The following SCN3B variants were observed in gnomAD, a reference collection of about 807,000 sequenced individuals.
SCN3B encodes sodium channel regulatory subunit beta-3.
A neutral mutation model predicts 25.4 loss-of-function variants in SCN3B; 11 were observed. The ratio of observed to expected loss-of-function variants is 0.43; its 90% confidence interval spans 0.27 to 0.72. The LOEUF (loss-of-function observed/expected upper bound fraction) is 0.72. Among genes scored for constraint, SCN3B ranks in the 30% least tolerant of loss-of-function variants. SCN3B has a pLI of 0.18. For synonymous variants in SCN3B, 109 were observed against 110.7 expected (o/e 0.99, Z 0.09); for missense variants, 218 against 278.3 (o/e 0.78, Z 1.54).
In SCN3B at chr11:123,645,835, A is replaced by C. The variant is rs749133829; in HGVS notation, c.56-85T>G. On this transcript the variant is annotated intron_variant, in intron 2 of 6. Coordinates refer to ENST00000299333, the MANE Select transcript of SCN3B (RefSeq NM_001040151.2). ...GAGAAACATTGGAGAAGAAGGAGGG[A>C]GGGAAGAGAGACAGAGAAGGAAGAG... The C allele has an allele frequency of 7.1e-4, 1,065 of 1,496,322 alleles. 1 individual carries two copies. The highest frequency in any genetic ancestry group is 5.7e-4 in the Non-Finnish European group (615 of 1,078,070). 92.7% of individuals were successfully genotyped at this position (1,496,322 alleles called of 1,614,324 possible). A position where few individuals can be genotyped will look rare whatever the true frequency, so the allele number is the denominator to read the frequency against.
In SCN3B at chr11:123,645,626, C is replaced by T. The variant is rs1591348108; in HGVS notation, c.180G>A (p.Val60=). Residue 60 remains valine (V), a synonymous_variant, in exon 3 of 7, where the codon GTG becomes GTA. Coordinates refer to ENST00000299333, the MANE Select transcript of SCN3B (RefSeq NM_001040151.2). The part of the protein sequence containing the change: ...KREEVEATTV[V]EWFYRPEGGK... The stretch of plus-strand genomic sequence containing the variant: ...CGCCCTCGGGCCTGTAGAACCATTC[C>T]ACCACCGTGGTGGCCTCCACCTCCT... 1.2e-6 allele frequency: 2 copies of T among 1,614,160 alleles called. No homozygotes were observed. The highest frequency in any genetic ancestry group is 1.7e-6 in the Non-Finnish European group (2 of 1,180,032).
At chr11:123,636,396 T>C (rs1955725277) in intron 5 of SCN3B, among the ~76,000 whole-genome samples, 1 of 152,194 alleles carries the variant, frequency 6.6e-6, no homozygotes, top group Non-Finnish European at 1.5e-5. Flanking sequence ...TTTTTCTTCC[T>C]TGTATTTACT....
At chr11:123,648,037 A>T (rs753626773) in intron 2 of SCN3B, among the ~76,000 whole-genome samples, 1 of 152,238 alleles carries the variant, frequency 6.6e-6, no homozygotes, top group African/African-American at 2.4e-5. Flanking sequence ...ATCTGATTAA[A>T]CAAAAAGGAA....
chr11:123,645,717 G>A lies in SCN3B; in HGVS notation c.89C>T (p.Pro30Leu), dbSNP rs1228071133. 2 of 1,614,008 alleles carry A rather than the reference G, an allele frequency of 1.2e-6. No homozygotes were observed. Among genetic ancestry groups the A allele is most frequent in the African/African-American group, 2.7e-5 (2 of 74,914 alleles). Residue 30 changes from proline (P) to leucine (L), a missense_variant, in exon 3 of 7, where the codon CCC becomes CTC. Pro to Leu is a moderately conservative substitution (Grantham distance 98, BLOSUM62 -3). Transcript: ENST00000299333. ...SVCFPVCVEV[P>L]SETEAVQGNP... ...GCCCTGCACGGCCTCCGTCTCCGAG[G>A]GCACTTCCACACACACAGGGAAGCA...
chr11:123,645,838 G>C, intron 2 of SCN3B, 88 bp from the exon 3 acceptor site: 4 of 1,436,138 alleles, frequency 2.8e-6, no homozygotes, highest in Non-Finnish European at 3.9e-6. Context: ...AGGAGGGAGG[G>C]AAGAGAGACA....
At position 123,633,699 on chromosome 11, in the gene SCN3B, G is replaced by A; in HGVS notation, c.*100C>T. On this transcript the variant is annotated 3_prime_UTR_variant, in exon 7 of 7. Transcript: ENST00000299333. ...CAATGGATGCATGAAGGGAAGCGAT[G>A]GGGCCCTTGGGGCGCCCTCCTGATG... The A allele has an allele frequency of 3.6e-6, 1 of 276,024 alleles. No homozygotes were observed. Among genetic ancestry groups the A allele is most frequent in the Non-Finnish European group, 7.1e-6 (1 of 140,218 alleles). 17.1% of individuals were successfully genotyped at this position (276,024 alleles called of 1,614,324 possible).
chr11:123,652,670 A>G (rs1955940372), intron 2 of SCN3B, among the ~76,000 whole-genome samples: 1 of 152,210 alleles, frequency 6.6e-6, no homozygotes, highest in African/African-American at 2.4e-5. Flanking sequence ...AAGGTAGCTA[A>G]GATCATGTAA....
In SCN3B at chr11:123,652,423, G is replaced by T. The variant is rs76766794; in HGVS notation, c.55+1324C>A. On this transcript the variant is annotated intron_variant, in intron 2 of 6. Transcript: ENST00000299333. ...CATCAGGCATTTTGACAGGAAGCTT[G>T]GCTCTGCCTCTGGTCACATGCAAAA... 2.3e-3 allele frequency among the ~76,000 whole-genome samples: 352 copies of T among 152,296 alleles called. 10 individuals are homozygous for T. In the East Asian group the frequency reaches 0.062, roughly 27 times the overall value.
At chr11:123,653,047 C>T (rs1018123887) in intron 2 of SCN3B, among the ~76,000 whole-genome samples, 3 of 152,014 alleles carry the variant, frequency 2.0e-5, no homozygotes, top group African/African-American at 7.2e-5. Context: ...TTTCTCACAG[C>T]TGACAAGCAA....
rs1395578323 is a variant in SCN3B at position 123,630,508 on chromosome 11, T to C, written c.*3291A>G. ...CTTCTAAGCCCTTTAATAAGCAACA[T>C]CATGCCAGATAAAGCTTCCAGAGAA... On this transcript the variant is annotated 3_prime_UTR_variant, in exon 7 of 7. Coordinates refer to ENST00000299333, the MANE Select transcript of SCN3B (RefSeq NM_001040151.2). The C allele has an allele frequency of 6.6e-6, 1 of 152,592 alleles. No homozygotes were observed. The highest frequency in any genetic ancestry group is 1.5e-5 in the Non-Finnish European group (1 of 68,032). The allele number at this position is 152,592 out of a possible 1,614,324, so 9.5% of individuals were successfully genotyped here.
At chr11:123,636,780 G>A (rs1955730738) in intron 5 of SCN3B, among the ~76,000 whole-genome samples, 1 of 151,430 alleles carries the variant, frequency 6.6e-6, no homozygotes, top group African/African-American at 2.4e-5. Flanking sequence ...TGCAAGCTCC[G>A]CCTCCCAGGT....
chr11:123,651,111 A>G (rs1443361048), intron 2 of SCN3B, among the ~76,000 whole-genome samples: 1 of 151,270 alleles, frequency 6.6e-6, no homozygotes, highest in East Asian at 1.9e-4. Context: ...TATTTATTGT[A>G]TTAATTATTT....
rs1258960749 is a variant in SCN3B at position 123,632,411 on chromosome 11, AATCT to A, written c.*1384_*1387del. The A allele has an allele frequency of 1.3e-5, 2 of 152,194 alleles. No homozygotes were observed. Among genetic ancestry groups the A allele is most frequent in the Non-Finnish European group, 2.9e-5 (2 of 68,036 alleles). 9.4% of individuals were successfully genotyped at this position (152,194 alleles called of 1,614,324 possible). A position where few individuals can be genotyped will look rare whatever the true frequency, so the allele number is the denominator to read the frequency against. Reference sequence around the variant, plus strand: ...TTTTTGGCCAATTTCTAGTCATCTGAATCTATCAGAGTTGACCTCAGCCCAGTCC... The same window carrying A: ...TTTTTGGCCAATTTCTAGTCATCTGAATCAGAGTTGACCTCAGCCCAGTCC... On this transcript the variant is annotated 3_prime_UTR_variant, in exon 7 of 7. Coordinates refer to ENST00000299333, the MANE Select transcript of SCN3B (RefSeq NM_001040151.2).
chr11:123,649,023 G>C (rs1220077583), intron 2 of SCN3B, among the ~76,000 whole-genome samples: 1 of 152,256 alleles, frequency 6.6e-6, no homozygotes, highest in African/African-American at 2.4e-5. Flanking sequence ...TGCTGTGTTG[G>C]GAATAAACTG....
At chr11:123,649,966 A>G (rs1955905176) in intron 2 of SCN3B, among the ~76,000 whole-genome samples, 1 of 152,170 alleles carries the variant, frequency 6.6e-6, no homozygotes, top group Non-Finnish European at 1.5e-5. Context: ...GACCTCCCAA[A>G]GTGCCGGGAT....
Position 123,634,158 on chromosome 11 carries a change from T to C in SCN3B, c.633A>G (p.Val211=). 1.9e-6 allele frequency: 3 copies of C among 1,613,892 alleles called. No homozygotes were observed. Among genetic ancestry groups the C allele is most frequent in the Non-Finnish European group, 2.5e-6 (3 of 1,179,856 alleles). The change falls in exon 6 of 7, where the codon GTA becomes GTG. Residue 211 remains valine, a synonymous_variant. Coordinates refer to ENST00000299333, the MANE Select transcript of SCN3B (RefSeq NM_001040151.2). ...TGCTCCTGTTCTATTCCTCCACTGG[T>C]ACCGCAGAGTTCTCCTTGTTCTCAG... ...IPSENKENSA[V]PVEE
At chr11:123,643,377 A>G (rs1181121683) in intron 3 of SCN3B, among the ~76,000 whole-genome samples, 1 of 152,262 alleles carries the variant, frequency 6.6e-6, no homozygotes, top group East Asian at 1.9e-4. Context: ...ACCCTCTGAC[A>G]TAACAGCCAA....
chr11:123,653,832 CAG>C lies in SCN3B; in HGVS notation c.-25-8_-25-7del, dbSNP rs574093690. ...GGGGCTGGCGGCTTCCAAGGCTACACAGAGAGATTCCCTCGGTCAAGGACTGC... is the reference window on the plus strand; with the variant it reads ...GGGGCTGGCGGCTTCCAAGGCTACACAGAGATTCCCTCGGTCAAGGACTGC... On this transcript the variant is annotated splice_region_variant and splice_polypyrimidine_tract_variant and intron_variant, in intron 1 of 6. Transcript: ENST00000299333. The C allele has an allele frequency of 3.4e-5, 55 of 1,612,710 alleles. 1 individual carries two copies. Among genetic ancestry groups the C allele is most frequent in the South Asian group, 1.6e-4 (15 of 91,060 alleles).
In SCN3B at chr11:123,642,575, T is replaced by C. The variant is rs1257380742; in HGVS notation, c.316A>G (p.Thr106Ala). 2 of 1,613,930 alleles carry C rather than the reference T, an allele frequency of 1.2e-6. No individual in the cohort carries two copies. Among genetic ancestry groups the C allele is most frequent in the South Asian group, 1.1e-5 (1 of 91,056 alleles). ...GSKDLQDVSI[T>A]VLNVTLNDSG... is the part of the protein sequence containing the mutation. ...TCGTTCAGAGTGACGTTGAGCACAG[T>C]GATGGACACGTCCTGCAGGTCCTTG... is the stretch of plus-strand genomic sequence containing the variant. The change falls in exon 4 of 7, where the codon ACT (threonine) becomes GCT (alanine). Residue 106 changes from threonine (T) to alanine (A), a missense_variant. Physicochemically the swap from Thr to Ala is moderately conservative, Grantham distance 58. Transcript: ENST00000299333. This position sits in a 1 kb window ranked among gnomAD's most constrained non-coding sequence, Gnocchi z 4.3.
Sources: allele counts gnomAD v4.1 joint callset (sites outside exome capture counted in the v4.1 genomes callset), GRCh38; gene constraint gnomAD v4.1.1; non-coding constraint Gnocchi (gnomAD v3.1); transcripts MANE v1.5; gene names NCBI Gene and HGNC (gene_info 2026-07-23, HGNC 2026-07-21).